ST6GAL1: variants seen among roughly 807,000 people sequenced by gnomAD.
ST6GAL1 encodes the protein ST6 beta-galactoside alpha-2,6-sialyltransferase 1, also known as beta-galactoside alpha-2,6-sialyltransferase 1.
Under a neutral mutation model 38.0 loss-of-function variants are expected in ST6GAL1, and 20 were observed. The observed-to-expected ratio is 0.53, with a 90% CI of 0.37 to 0.77. The LOEUF (loss-of-function observed/expected upper bound fraction) is 0.77. ST6GAL1 is among the 30% of genes least tolerant of loss of function. The pLI, the probability that ST6GAL1 is intolerant of heterozygous loss-of-function variation, is 0.00. For missense variants in ST6GAL1, 432 were observed against 496.4 expected, an observed-to-expected ratio of 0.87 and a Z score of 1.23; for synonymous variants, 196 against 188.2, an observed-to-expected ratio of 1.04 and a Z score of -0.34.
At chr3:186,984,365 C>T (rs1362202637) in intron 2 of ST6GAL1, among the ~76,000 whole-genome samples, 1 of 152,166 alleles carries the variant, frequency 6.6e-6, no homozygotes, top group Non-Finnish European at 1.5e-5. Context: ...TTCCTCTGCT[C>T]AGCCTCCTGC....
At chr3:187,029,543 T>C (rs1175110490) in intron 2 of ST6GAL1, among the ~76,000 whole-genome samples, 2 of 152,026 alleles carry the variant, frequency 1.3e-5, no homozygotes, top group South Asian at 2.1e-4. Context: ...GAGAGGGAGA[T>C]TGAAAGGAGG....
intron 2 of ST6GAL1, among the ~76,000 whole-genome samples, chr3:186,994,697 C>CCT (rs1279998524): frequency 6.6e-6 from 1 of 152,096 alleles, no homozygotes; most frequent in East Asian, 1.9e-4. Flanking sequence ...GTGACTCACA[C>CCT]CTGTAATCTC....
At chr3:187,015,670 TC>T (rs1212139741) in intron 2 of ST6GAL1, among the ~76,000 whole-genome samples, 4 of 152,008 alleles carry the variant, frequency 2.6e-5, no homozygotes, top group African/African-American at 7.3e-5. Flanking sequence ...GAAACCTGTT[TC>T]TACAAAAAAT....
intron 5 of ST6GAL1, among the ~76,000 whole-genome samples, chr3:187,066,740 G>A (rs993548193): frequency 1.3e-5 from 2 of 151,988 alleles, no homozygotes; most frequent in African/African-American, 2.4e-5. Context: ...CCCTGGTGTA[G>A]CCTTTTCCTG....
intron 1 of ST6GAL1, among the ~76,000 whole-genome samples, chr3:186,936,540 A>G (rs191440208): frequency 1.3e-5 from 2 of 152,232 alleles, no homozygotes; most frequent in Admixed American, 6.5e-5. Context: ...CAGTTTCACC[A>G]TATTAAAATA....
intron 2 of ST6GAL1, among the ~76,000 whole-genome samples, chr3:187,030,001 G>T (rs1020989261): frequency 6.6e-6 from 1 of 152,136 alleles, no homozygotes; most frequent in African/African-American, 2.4e-5. Context: ...AGGTATTGTT[G>T]GGAAATAACA....
At chr3:187,004,805 T>C (rs1716728528) in intron 2 of ST6GAL1, among the ~76,000 whole-genome samples, 1 of 152,236 alleles carries the variant, frequency 6.6e-6, no homozygotes, top group Admixed American at 6.5e-5. Flanking sequence ...TTTAGAGAAA[T>C]TGATTGAAAA....
intron 5 of ST6GAL1, among the ~76,000 whole-genome samples, chr3:187,065,566 A>C (rs1318831135): frequency 6.6e-6 from 1 of 152,170 alleles, no homozygotes; most frequent in East Asian, 1.9e-4. Flanking sequence ...TTTGACTATA[A>C]GAGTAAGAAG....
In ST6GAL1 at chr3:186,984,241, C is replaced by G. The variant is rs573957757; in HGVS notation, c.-183+20315C>G. On this transcript the variant is annotated intron_variant, in intron 2 of 7. Coordinates refer to ENST00000169298, the MANE Select transcript of ST6GAL1 (RefSeq NM_173216.2). ...TCCACTGCAACCAGCTGGTCTAAGCCATGAGCATCGCTCACTGGGACTGCT... is the reference window on the plus strand; with the variant it reads ...TCCACTGCAACCAGCTGGTCTAAGCGATGAGCATCGCTCACTGGGACTGCT... Among the ~76,000 whole-genome samples, 50 of 152,326 alleles carry G rather than the reference C, an allele frequency of 3.3e-4. No individual in the cohort carries two copies. The South Asian group carries it at 0.01, about 32-fold the overall frequency.
At chr3:186,941,954 G>A (rs966338688) in intron 1 of ST6GAL1, among the ~76,000 whole-genome samples, 1 of 151,940 alleles carries the variant, frequency 6.6e-6, no homozygotes, top group Non-Finnish European at 1.5e-5. Context: ...CGAGCTTGCA[G>A]TGAGCCGAGA....
intron 2 of ST6GAL1, among the ~76,000 whole-genome samples, chr3:187,007,606 G>C (rs762407184): frequency 3.3e-5 from 5 of 152,172 alleles, no homozygotes; most frequent in Non-Finnish European, 7.3e-5. Flanking sequence ...ACAGGATTCA[G>C]AGTCTCACAA....
intron 1 of ST6GAL1, among the ~76,000 whole-genome samples, chr3:186,934,905 T>C (rs1469275104): frequency 6.6e-6 from 1 of 152,044 alleles, no homozygotes; most frequent in Non-Finnish European, 1.5e-5. Flanking sequence ...TAGCTGGGAC[T>C]ACAGGTGCCC....
intron 2 of ST6GAL1, among the ~76,000 whole-genome samples, chr3:186,966,785 G>A (rs559635223): frequency 1.3e-5 from 2 of 152,244 alleles, no homozygotes; most frequent in South Asian, 2.1e-4. Flanking sequence ...AGATCTCCCC[G>A]CCAGTTAGAA....
At chr3:187,031,269 C>T (rs1248700134) in intron 2 of ST6GAL1, among the ~76,000 whole-genome samples, 1 of 152,176 alleles carries the variant, frequency 6.6e-6, no homozygotes. Context: ...ACTTCTTGTG[C>T]AGAGCTGCAA....
intron 2 of ST6GAL1, among the ~76,000 whole-genome samples, chr3:187,022,242 G>A (rs2108565717): frequency 6.6e-6 from 1 of 152,110 alleles, no homozygotes; most frequent in East Asian, 1.9e-4. Context: ...GTCGCTGCTT[G>A]GTGTTGGGGT....
intron 5 of ST6GAL1, among the ~76,000 whole-genome samples, chr3:187,054,558 A>T (rs1460250270): frequency 6.6e-6 from 1 of 152,132 alleles, no homozygotes; most frequent in Non-Finnish European, 1.5e-5. Flanking sequence ...TGAGATAATC[A>T]TGTGGTTTTT....
At chr3:187,022,315 A>G (rs1717347074) in intron 2 of ST6GAL1, among the ~76,000 whole-genome samples, 2 of 152,126 alleles carry the variant, frequency 1.3e-5, no homozygotes. Context: ...GTGTGAGAGC[A>G]GAGGAAAGAT....
At chr3:186,937,756 T>C (rs1714017540) in intron 1 of ST6GAL1, among the ~76,000 whole-genome samples, 1 of 152,134 alleles carries the variant, frequency 6.6e-6, no homozygotes, top group African/African-American at 2.4e-5. Flanking sequence ...CTTTCTCTTA[T>C]TGTAATTGAC....
intron 1 of ST6GAL1, among the ~76,000 whole-genome samples, chr3:186,934,791 G>T (rs1713884008): frequency 6.7e-6 from 1 of 149,304 alleles, no homozygotes; most frequent in South Asian, 2.1e-4. Flanking sequence ...TTTTCAGATG[G>T]CGTCTCGCTC....
Sources: allele counts gnomAD v4.1 joint callset (sites outside exome capture counted in the v4.1 genomes callset), GRCh38; gene constraint gnomAD v4.1.1; transcripts MANE v1.5; gene names NCBI Gene and HGNC (gene_info 2026-07-23, HGNC 2026-07-21).